Variants in RNF220 observed in about 807,000 individuals in gnomAD.
RNF220 encodes the protein E3 ubiquitin-protein ligase RNF220.
RNF220 carries 7 observed loss-of-function variants against 67.1 expected under a neutral mutation model. That is an observed-to-expected ratio of 0.10 (90% CI 0.06 to 0.20). The LOEUF is 0.20. RNF220 is among the 10% of genes least tolerant of loss of function. The pLI is 1.00. For synonymous variants in RNF220, 270 were observed against 283.2 expected (o/e 0.95, Z 0.47); for missense variants, 565 against 740.3 (o/e 0.76, Z 2.75).
intron 2 of RNF220, among the ~76,000 whole-genome samples, chr1:44,418,391 C>G (rs753638294): frequency 1.1e-3 from 161 of 152,312 alleles, no homozygotes; most frequent in Non-Finnish European, 1.7e-3. Flanking sequence ...AAATGTTTTT[C>G]CCTTCCTGCT....
intron 2 of RNF220, among the ~76,000 whole-genome samples, chr1:44,527,949 A>AAAAAAAAAAAAAAAAAT (rs1660523740): frequency 6.7e-6 from 1 of 149,728 alleles, no homozygotes; most frequent in African/African-American, 2.5e-5. Flanking sequence ...AAAAAAAAAA[A>AAAAAAAAAAAAAAAAAT]AAGTTAAATG....
rs930672500 is a variant in RNF220, at chr1:44,472,404, T to G, written c.625+59682T>G. ...TTTCTGGTTTGTTTTTTTGTTATGT[T>G]TTGTTTGGGATTTTAAAAAATAGCC... On this transcript the variant is annotated intron_variant, in intron 2 of 14. Transcript: ENST00000361799. 4.6e-5 allele frequency among the ~76,000 whole-genome samples: 7 copies of G among 152,350 alleles called. No individual in the cohort carries two copies. In the East Asian group the frequency reaches 1.2e-3, roughly 25 times the overall value.
intron 2 of RNF220, among the ~76,000 whole-genome samples, chr1:44,561,720 C>T (rs961046516): frequency 5.9e-5 from 9 of 151,938 alleles, no homozygotes; most frequent in Admixed American, 1.3e-4. Context: ...AGTTTGAGAC[C>T]AGCCTGGACA....
At chr1:44,437,958 C>T (rs1286422052) in intron 2 of RNF220, among the ~76,000 whole-genome samples, 1 of 152,050 alleles carries the variant, frequency 6.6e-6, no homozygotes. Context: ...TTGGGAAAGG[C>T]CTTAAACAGA....
intron 2 of RNF220, among the ~76,000 whole-genome samples, chr1:44,422,987 G>C (rs1216375146): frequency 6.6e-6 from 1 of 152,184 alleles, no homozygotes; most frequent in Non-Finnish European, 1.5e-5. Context: ...CATTGTTCCA[G>C]GCACCATGCG....
chr1:44,522,761 G>A (rs272531), intron 2 of RNF220, among the ~76,000 whole-genome samples: 25,416 of 152,202 alleles, frequency 0.17, 2,714 homozygotes, highest in Middle Eastern at 0.28. Context: ...AGGGAAACTC[G>A]ATCTTAGTTT....
intron 2 of RNF220, among the ~76,000 whole-genome samples, chr1:44,507,507 CTCG>C (rs1658539692): frequency 6.6e-6 from 1 of 152,026 alleles, no homozygotes; most frequent in East Asian, 1.9e-4. Flanking sequence ...GCTTCTTGGC[CTCG>C]TCAGTCCTGG....
Position 44,557,182 on chromosome 1 carries a change from TA to T in RNF220, c.626-56982del, listed in dbSNP as rs139683152. Among the ~76,000 whole-genome samples the T allele has an allele frequency of 5.0e-3, 713 of 143,242 alleles. 2 individuals are homozygous for T. The highest frequency in any genetic ancestry group is 7.3e-3 in the Non-Finnish European group (486 of 66,796). The allele number at this position is 143,242 out of a possible 152,430, so 94.0% of individuals were successfully genotyped here. A position where few individuals can be genotyped will look rare whatever the true frequency, so the allele number is the denominator to read the frequency against. On this transcript the variant is annotated intron_variant, in intron 2 of 14. Transcript: ENST00000361799. ...ATATATACATATGTATATATTAATA[TA>T]TAATATATATTTTATATATATATAT...
chr1:44,586,333 G>T (rs922991256), intron 2 of RNF220, among the ~76,000 whole-genome samples: 4 of 152,154 alleles, frequency 2.6e-5, no homozygotes, highest in African/African-American at 9.7e-5. Context: ...GTTCAAGAGG[G>T]TAAAAAGATA....
chr1:44,591,723 A>G (rs1221242301), intron 2 of RNF220, among the ~76,000 whole-genome samples: 2 of 152,168 alleles, frequency 1.3e-5, no homozygotes, highest in Non-Finnish European at 1.5e-5. Flanking sequence ...AAGAAGGCCC[A>G]TGGGAGGCCC....
chr1:44,417,859 G>T lies in RNF220; in HGVS notation c.625+5137G>T, dbSNP rs996194525. Among the ~76,000 whole-genome samples, 1 of 152,146 alleles carries T rather than the reference G, an allele frequency of 6.6e-6. No individual in the cohort carries two copies. Among genetic ancestry groups the T allele is most frequent in the African/African-American group, 2.4e-5 (1 of 41,440 alleles). On this transcript the variant is annotated intron_variant, in intron 2 of 14. Coordinates refer to ENST00000361799, the MANE Select transcript of RNF220 (RefSeq NM_018150.4). This position sits in a 1 kb window ranked among gnomAD's most constrained non-coding sequence, Gnocchi z 4.0. ...GACCCCCAGCCTCCGCCACCGAGGC[G>T]GCTTGCAAGTGGTTTCAGAAATGTT... is the stretch of plus-strand genomic sequence containing the variant.
intron 2 of RNF220, 79 bp from the exon 3 acceptor site, chr1:44,614,086 G>A: frequency 6.3e-7 from 1 of 1,583,754 alleles, no homozygotes; most frequent in Non-Finnish European, 8.6e-7. Flanking sequence ...AGCAGGCTTG[G>A]GTTTCAGGAC....
intron 2 of RNF220, among the ~76,000 whole-genome samples, chr1:44,484,632 A>G (rs896400580): frequency 6.6e-5 from 10 of 152,074 alleles, no homozygotes; most frequent in Admixed American, 5.2e-4. Context: ...TTTGAACAGA[A>G]TGGGAGCTGA....
intron 2 of RNF220, among the ~76,000 whole-genome samples, chr1:44,533,514 G>A (rs1277368714): frequency 6.6e-6 from 1 of 152,090 alleles, no homozygotes; most frequent in Admixed American, 6.6e-5. Flanking sequence ...AAGAAATAAA[G>A]TTTTAGTCCA....
chr1:44,643,802 T>TTG (rs1644554839), intron 8 of RNF220: 2 of 152,478 alleles, frequency 1.3e-5, no homozygotes, highest in Non-Finnish European at 2.9e-5. Flanking sequence ...AGTGGGGAGC[T>TTG]GGGGGGAACA....
At chr1:44,462,377 G>T (rs1014453094) in intron 2 of RNF220, among the ~76,000 whole-genome samples, 2 of 151,956 alleles carry the variant, frequency 1.3e-5, no homozygotes, top group Non-Finnish European at 2.9e-5. Context: ...ATTGACCAAA[G>T]GTAACATAAA....
chr1:44,477,195 C>G (rs1655375324), intron 2 of RNF220, among the ~76,000 whole-genome samples: 1 of 152,208 alleles, frequency 6.6e-6, no homozygotes, highest in Non-Finnish European at 1.5e-5. Context: ...TAAATATTTA[C>G]TAGCAGTCCA....
intron 2 of RNF220, among the ~76,000 whole-genome samples, chr1:44,562,128 G>A (rs1474327503): frequency 6.6e-6 from 1 of 152,200 alleles, no homozygotes; most frequent in African/African-American, 2.4e-5. Context: ...CATCTCAGTG[G>A]TCCAAGTGAG....
At chr1:44,566,221 C>T (rs754532489) in intron 2 of RNF220, among the ~76,000 whole-genome samples, 1 of 152,176 alleles carries the variant, frequency 6.6e-6, no homozygotes, top group Admixed American at 6.5e-5. Flanking sequence ...CAGCCCAGCC[C>T]CTAACTGGAT....
Sources: gnomAD v4.1 joint callset for allele counts (sites outside exome capture counted in the v4.1 genomes callset) on GRCh38, gnomAD v4.1.1 for gene constraint, Gnocchi (gnomAD v3.1) non-coding constraint, MANE v1.5 for transcripts, NCBI Gene and HGNC (gene_info 2026-07-23, HGNC 2026-07-21) for gene names.